The following SDK1 variants were observed in gnomAD, a reference collection of about 807,000 sequenced individuals.
SDK1 encodes sidekick cell adhesion molecule 1.
Under a neutral mutation model 245.5 loss-of-function variants are expected in SDK1, and 157 were observed. The ratio of observed to expected loss-of-function variants is 0.64; its 90% CI spans 0.56 to 0.73. SDK1 has a LOEUF of 0.73. Ranked by LOEUF, SDK1 falls within the 30% of genes least tolerant of loss-of-function variation. The pLI is 0.00. For missense variants in SDK1, 3,583 were observed against 3,002.3 expected, an observed-to-expected ratio of 1.19 and a Z score of -4.52; for synonymous variants, 1,647 against 1,278.5, an observed-to-expected ratio of 1.29 and a Z score of -6.15.
chr7:3,727,169 A>G (rs1583347506), intron 4 of SDK1, among the ~76,000 whole-genome samples: 1 of 152,330 alleles, frequency 6.6e-6, no homozygotes, highest in African/African-American at 2.4e-5. Flanking sequence ...TGCATCATAA[A>G]TAGGTGTTGG....
chr7:3,639,861 T>A (rs1237745097), intron 3 of SDK1, among the ~76,000 whole-genome samples: 2 of 151,828 alleles, frequency 1.3e-5, no homozygotes, highest in African/African-American at 2.4e-5. Flanking sequence ...TAAATAAATA[T>A]ATGTTTGAGA....
At chr7:3,452,115 A>G (rs561312890) in intron 1 of SDK1, among the ~76,000 whole-genome samples, 2 of 152,352 alleles carry the variant, frequency 1.3e-5, no homozygotes, top group East Asian at 3.9e-4. Flanking sequence ...GCCGACTCAC[A>G]TGATTAAAGT....
rs762479390 is a variant in SDK1 at position 4,149,301 on chromosome 7, C to T, written c.4463C>T (p.Ala1488Val). Residue 1488 changes from alanine (A) to valine (V), a missense_variant, in exon 30 of 45, where the codon GCA (alanine) becomes GTA (valine). Transcript: ENST00000404826. ...APPRELLVPQ[A>V]EVTARSLRLQ... ...CCCAGAGAGCTCCTGGTGCCCCAGG[C>T]AGAAGTGACCGCACGCAGCCTCCGG... 3.2e-6 allele frequency: 5 copies of T among 1,579,046 alleles called. No individual in the cohort carries two copies. The African/African-American group carries it at 5.4e-5, about 17-fold the overall frequency.
intron 4 of SDK1, among the ~76,000 whole-genome samples, chr7:3,696,174 A>G (rs746251595): frequency 1.3e-5 from 2 of 152,042 alleles, no homozygotes; most frequent in African/African-American, 2.4e-5. Flanking sequence ...ATGTCCTGCC[A>G]ACTTAAATCT....
At chr7:4,057,277 G>A (rs571579017) in intron 19 of SDK1, among the ~76,000 whole-genome samples, 3 of 152,252 alleles carry the variant, frequency 2.0e-5, no homozygotes, top group South Asian at 2.1e-4. Context: ...CCCCCAGTAT[G>A]AGCAACACTA....
rs1200716418 is a variant in SDK1, at chr7:3,798,261, A to AGGCTGGAG, written c.714-23188_714-23181dup. Among the ~76,000 whole-genome samples, 3 of 119,308 alleles carry AGGCTGGAG rather than the reference A, an allele frequency of 2.5e-5. No individual in the cohort carries two copies. In the Admixed American group the frequency reaches 3.4e-4, roughly 13 times the overall value. 78.3% of individuals were successfully genotyped at this position (119,308 alleles called of 152,430 possible). On this transcript the variant is annotated intron_variant, in intron 4 of 44. Coordinates refer to ENST00000404826, the MANE Select transcript of SDK1 (RefSeq NM_152744.4). ...GAGACAGATTCTGTCTCTTTTGCCC[A>AGGCTGGAG]GGCTGGAGTGCAGTGGCGCGATCTC...
In SDK1 at chr7:3,992,638, G is replaced by C. The variant is rs190869635; in HGVS notation, c.2131+5316G>C. On this transcript the variant is annotated intron_variant, in intron 14 of 44. Transcript: ENST00000404826. The stretch of plus-strand genomic sequence containing the variant: ...ATGCTTATCGATTATGATCAAAAAT[G>C]ATCTTTCTTTGAGATTATTATGATC... Among the ~76,000 whole-genome samples, 27 of 152,298 alleles carry C rather than the reference G, an allele frequency of 1.8e-4. No homozygotes were observed. In the East Asian group the frequency reaches 2.3e-3, roughly 13 times the overall value.
At chr7:3,810,694 C>G (rs1253887128) in intron 4 of SDK1, among the ~76,000 whole-genome samples, 1 of 152,086 alleles carries the variant, frequency 6.6e-6, no homozygotes, top group African/African-American at 2.4e-5. Flanking sequence ...CTTTTCTGTC[C>G]CTCCTACTAG....
At chr7:3,521,442 C>G (rs796215779) in intron 1 of SDK1, among the ~76,000 whole-genome samples, 6 of 152,292 alleles carry the variant, frequency 3.9e-5, no homozygotes, top group East Asian at 1.9e-4. Context: ...TACAAACATA[C>G]TCTTTCTATC....
chr7:4,223,158 G>T (rs941417039), intron 40 of SDK1, among the ~76,000 whole-genome samples: 1 of 152,092 alleles, frequency 6.6e-6, no homozygotes, highest in Admixed American at 6.5e-5. Flanking sequence ...GGGGAGGAGG[G>T]TACGAGTGTC....
chr7:3,312,712 G>T (rs1302369547), intron 1 of SDK1, among the ~76,000 whole-genome samples: 1 of 152,066 alleles, frequency 6.6e-6, no homozygotes, highest in Non-Finnish European at 1.5e-5. Flanking sequence ...AAGGGATAAA[G>T]AAATGGAAAA....
At chr7:4,084,609 A>T (rs991117238) in intron 22 of SDK1, among the ~76,000 whole-genome samples, 5 of 152,156 alleles carry the variant, frequency 3.3e-5, no homozygotes, top group African/African-American at 1.2e-4. Context: ...CTGAAGCATC[A>T]TGAGTTCATA....
At chr7:3,971,258 T>G (rs1042147253) in intron 11 of SDK1, among the ~76,000 whole-genome samples, 8 of 152,032 alleles carry the variant, frequency 5.3e-5, no homozygotes, top group African/African-American at 1.9e-4. Context: ...GAGGGGTGGG[T>G]GGGTTGACAG....
intron 17 of SDK1, among the ~76,000 whole-genome samples, chr7:4,032,893 T>G (rs1030724815): frequency 3.3e-5 from 5 of 152,228 alleles, no homozygotes; most frequent in African/African-American, 4.8e-5. Context: ...TAGTGCTCCT[T>G]GTGTGAATTT....
At chr7:3,429,244 C>CT (rs1481247918) in intron 1 of SDK1, among the ~76,000 whole-genome samples, 4 of 115,922 alleles carry the variant, frequency 3.5e-5, no homozygotes, top group Non-Finnish European at 5.5e-5. Flanking sequence ...TGATAAAAGG[C>CT]TTTTTTTAAG....
At chr7:3,980,771 G>A (rs1267884623) in intron 13 of SDK1, among the ~76,000 whole-genome samples, 1 of 152,080 alleles carries the variant, frequency 6.6e-6, no homozygotes, top group East Asian at 1.9e-4. Context: ...GCGAAACCCT[G>A]TCTCTACTAA....
At chr7:4,211,097 G>C (rs1784487794) in intron 38 of SDK1, among the ~76,000 whole-genome samples, 1 of 152,146 alleles carries the variant, frequency 6.6e-6, no homozygotes, top group Non-Finnish European at 1.5e-5. Context: ...AGTGACACAG[G>C]AGCAGGAGGA....
At chr7:3,531,916 T>C (rs1783360197) in intron 1 of SDK1, among the ~76,000 whole-genome samples, 1 of 152,238 alleles carries the variant, frequency 6.6e-6, no homozygotes, top group Non-Finnish European at 1.5e-5. Flanking sequence ...CATTTATTTG[T>C]ACTAAAGTAG....
intron 1 of SDK1, among the ~76,000 whole-genome samples, chr7:3,544,393 G>T (rs906218040): frequency 1.3e-5 from 2 of 152,320 alleles, no homozygotes; most frequent in East Asian, 1.9e-4. Flanking sequence ...AGGCAGCATG[G>T]GGCCTGTAGA....
Sources: gnomAD v4.1 joint callset for allele counts (sites outside exome capture counted in the v4.1 genomes callset) on GRCh38, gnomAD v4.1.1 for gene constraint, MANE v1.5 for transcripts, NCBI Gene and HGNC (gene_info 2026-07-23, HGNC 2026-07-21) for gene names.